PHF21A: variants seen among roughly 807,000 people sequenced by gnomAD.
PHF21A encodes PHD finger protein 21A.
A neutral mutation model predicts 82.5 loss-of-function variants in PHF21A; 11 were observed. The observed-to-expected ratio is 0.13, with a 90% CI of 0.08 to 0.22. The LOEUF (loss-of-function observed/expected upper bound fraction) is 0.22, where lower values mean the gene tolerates loss of function less well. Among genes scored for constraint, PHF21A ranks in the 10% least tolerant of loss-of-function variants. PHF21A has a pLI of 1.00. For synonymous variants in PHF21A, 297 were observed against 302.8 expected (o/e 0.98, Z 0.20); for missense variants, 579 against 837.8 (o/e 0.69, Z 3.81).
chr11:46,011,246 TGGGAGGCA>T (rs2095408470), intron 6 of PHF21A, among the ~76,000 whole-genome samples: 1 of 152,114 alleles, frequency 6.6e-6, no homozygotes, highest in African/African-American at 2.4e-5. Context: ...CCCAGCACTT[TGGGAGGCA>T]GAGGAGGGCA....
intron 6 of PHF21A, among the ~76,000 whole-genome samples, chr11:46,018,380 C>T (rs2095560867): frequency 2.0e-5 from 3 of 152,162 alleles, no homozygotes; most frequent in Admixed American, 2.0e-4. Context: ...AGCTCAGCAC[C>T]ATTTTCAGGA....
At chr11:45,936,603 G>C in intron 16 of PHF21A, 34 bp from the exon 17 acceptor site, 1 of 1,463,448 alleles carries the variant, frequency 6.8e-7, no homozygotes, top group Non-Finnish European at 9.6e-7. Flanking sequence ...CCTTGAGAAG[G>C]AGGTTTAAAC....
intron 9 of PHF21A, among the ~76,000 whole-genome samples, chr11:45,966,393 C>T (rs575993818): frequency 6.6e-6 from 1 of 152,228 alleles, no homozygotes; most frequent in South Asian, 2.1e-4. Flanking sequence ...TCCTACCCCA[C>T]CCTCTACTCT....
chr11:46,075,219 T>A (rs761684507), intron 6 of PHF21A, among the ~76,000 whole-genome samples: 23 of 152,210 alleles, frequency 1.5e-4, no homozygotes, highest in Non-Finnish European at 2.5e-4. Context: ...CTATGTTAGT[T>A]CTCACAAACA....
intron 16 of PHF21A, 135 bp from the exon 17 acceptor site, chr11:45,936,704 C>T (rs2135068158): frequency 1.5e-6 from 1 of 661,962 alleles, no homozygotes; most frequent in Non-Finnish European, 2.7e-6. Flanking sequence ...GTTGCAAAAC[C>T]CTGGTCTATA....
At chr11:46,043,607 C>T (rs1024523298) in intron 6 of PHF21A, among the ~76,000 whole-genome samples, 4 of 148,126 alleles carry the variant, frequency 2.7e-5, no homozygotes, top group East Asian at 3.9e-4. Context: ...AGTATTAACA[C>T]GTTACAAAGT....
chr11:45,997,859 T>C (rs553525401), intron 6 of PHF21A, among the ~76,000 whole-genome samples: 1 of 152,290 alleles, frequency 6.6e-6, no homozygotes, highest in Admixed American at 6.5e-5. Context: ...GGTCCTCTTA[T>C]CAGAACCTAA....
intron 6 of PHF21A, among the ~76,000 whole-genome samples, chr11:46,056,235 T>C (rs1217877226): frequency 1.3e-5 from 2 of 152,140 alleles, no homozygotes; most frequent in African/African-American, 2.4e-5. Flanking sequence ...TTTGTTTTCA[T>C]TAAGTCTTTC....
chr11:45,982,863 C>T lies in PHF21A; in HGVS notation c.154-2897G>A, dbSNP rs537608817. ...TAATACAACATAAACATGACACCTG[C>T]CAAAAAATAAACTTTGGACAAAAAC... On this transcript the variant is annotated intron_variant, in intron 6 of 18. Coordinates refer to ENST00000676320, the MANE Select transcript of PHF21A (RefSeq NM_001352027.3). 2.6e-5 allele frequency among the ~76,000 whole-genome samples: 4 copies of T among 152,150 alleles called. No homozygotes were observed. The East Asian group carries it at 7.7e-4, about 29-fold the overall frequency.
chr11:46,031,833 A>G (rs2095872357), intron 6 of PHF21A, among the ~76,000 whole-genome samples: 1 of 152,222 alleles, frequency 6.6e-6, no homozygotes, highest in Non-Finnish European at 1.5e-5. Context: ...CTCAGGGGTG[A>G]CATTCACTCA....
chr11:45,970,891 C>T (rs1341268995), intron 8 of PHF21A: 2 of 535,730 alleles, frequency 3.7e-6, no homozygotes, highest in African/African-American at 3.8e-5. Context: ...ACTTTGACCT[C>T]AGATAATGCA....
At chr11:46,108,567 GTATA>G (rs146891624) in intron 1 of PHF21A, among the ~76,000 whole-genome samples, 21 of 62,194 alleles carry the variant, frequency 3.4e-4, no homozygotes, top group African/African-American at 6.6e-4. Flanking sequence ...GTGTGTGTGT[GTATA>G]TATATATATA....
chr11:45,953,100 C>T (rs1224540514), intron 11 of PHF21A, among the ~76,000 whole-genome samples: 31 of 152,140 alleles, frequency 2.0e-4, no homozygotes, highest in Admixed American at 2.0e-3. Flanking sequence ...AACAAAAACG[C>T]ACACTTAACA....
intron 6 of PHF21A, among the ~76,000 whole-genome samples, chr11:46,055,624 C>G (rs867738746): frequency 6.6e-6 from 1 of 152,104 alleles, no homozygotes; most frequent in African/African-American, 2.4e-5. Context: ...GAACTGAGAT[C>G]CAACAAAATT....
At chr11:45,976,635 A>AAC (rs1555034688) in intron 7 of PHF21A, among the ~76,000 whole-genome samples, 1 of 151,692 alleles carries the variant, frequency 6.6e-6, no homozygotes, top group South Asian at 2.1e-4. Context: ...TGAGCTCCGG[A>AAC]GTTTGAGACC....
intron 6 of PHF21A, among the ~76,000 whole-genome samples, chr11:46,030,749 A>C (rs2095846428): frequency 1.3e-5 from 2 of 149,018 alleles, no homozygotes; most frequent in Admixed American, 1.3e-4. Context: ...TATTTACTTC[A>C]GTTTTTTTTT....
chr11:46,035,707 C>T (rs2138526488), intron 6 of PHF21A, among the ~76,000 whole-genome samples: 1 of 152,268 alleles, frequency 6.6e-6, no homozygotes, highest in South Asian at 2.1e-4. Flanking sequence ...TGTGTATGAG[C>T]TCACCAAGGT....
rs77041824 is a variant in PHF21A, at chr11:45,941,513, G to C, written c.1453-3201C>G. 6.5e-3 allele frequency among the ~76,000 whole-genome samples: 994 copies of C among 152,306 alleles called. 3 individuals carry two copies. The highest frequency in any genetic ancestry group is 1.0e-2 in the Non-Finnish European group (679 of 68,034). On this transcript the variant is annotated intron_variant, in intron 15 of 18. Transcript: ENST00000676320. ...AATGAAAATGGCAAATGATGGTTTA[G>C]TATCATTATGAAAATAGCTTTGATT...
At chr11:45,965,287 C>T in intron 10 of PHF21A, 28 bp downstream of exon 10, 1 of 1,606,292 alleles carries the variant, frequency 6.2e-7, no homozygotes. Flanking sequence ...AGGCTACTGC[C>T]CAGAGCAGGT....
Sources: allele counts gnomAD v4.1 joint callset (sites outside exome capture counted in the v4.1 genomes callset), GRCh38; gene constraint gnomAD v4.1.1; transcripts MANE v1.5; gene names NCBI Gene and HGNC (gene_info 2026-07-23, HGNC 2026-07-21).